NRK: variants seen among roughly 807,000 people sequenced by gnomAD.
NRK encodes the protein nik-related protein kinase.
NRK carries 67 observed loss-of-function variants against 125.2 expected under a neutral mutation model. The observed-to-expected ratio is 0.54, with a 90% CI of 0.44 to 0.66. The LOEUF (loss-of-function observed/expected upper bound fraction) is 0.66. NRK is among the 30% of genes least tolerant of loss of function. NRK has a pLI of 0.00. For synonymous variants in NRK, 458 were observed against 429.0 expected (o/e 1.07, Z -0.84); for missense variants, 1,224 against 1,192.9 (o/e 1.03, Z -0.38).
chrX:105,866,559 A>G (rs7062420), intron 2 of NRK, among the ~76,000 whole-genome samples: 5,807 of 111,819 alleles, frequency 0.052, 389 homozygotes, highest in African/African-American at 0.18. Flanking sequence ...TTCTCTGACC[A>G]AAATTCAATA....
In NRK at chrX:105,867,904, C is replaced by T. The variant is rs551998357; in HGVS notation, c.124-12295C>T. 6.3e-5 allele frequency among the ~76,000 whole-genome samples: 7 copies of T among 111,512 alleles called. No homozygotes were observed. In the South Asian group the frequency reaches 2.2e-3, roughly 35 times the overall value. On this transcript the variant is annotated intron_variant, in intron 2 of 28. Coordinates refer to ENST00000243300, the MANE Select transcript of NRK (RefSeq NM_198465.4). ...AGACTGCTGACCTGGATTTGTGAAA[C>T]ATTTTCAATAGGAAAATCTTAAATA...
intron 6 of NRK, among the ~76,000 whole-genome samples, chrX:105,894,152 C>T (rs1403988068): frequency 8.9e-6 from 1 of 112,086 alleles, no homozygotes; most frequent in Non-Finnish European, 1.9e-5. Flanking sequence ...CCTTTGAAAT[C>T]ATGGCCTTTA....
At chrX:105,875,585 A>C (rs1025264554) in intron 2 of NRK, among the ~76,000 whole-genome samples, 2 of 111,079 alleles carry the variant, frequency 1.8e-5, no homozygotes, top group African/African-American at 6.5e-5. Context: ...TAGGTTGTGG[A>C]GTACCCGGAA....
chrX:105,858,318 C>T (rs2039557948), intron 2 of NRK, among the ~76,000 whole-genome samples: 1 of 107,684 alleles, frequency 9.3e-6, no homozygotes, highest in Non-Finnish European at 1.9e-5. Flanking sequence ...CTAAAATGGG[C>T]AAATTTTACT....
intron 22 of NRK, 69 bp downstream of exon 22, chrX:105,937,651 C>A: frequency 2.5e-6 from 2 of 797,031 alleles, no homozygotes; most frequent in Non-Finnish European, 3.6e-6. Context: ...GGGTTAAAGA[C>A]TTTCTCAGGT....
rs1443238920 is a variant in NRK at position 105,830,972 on chromosome X, G to C, written c.58-82G>C. On this transcript the variant is annotated intron_variant, in intron 1 of 28. Coordinates refer to ENST00000243300, the MANE Select transcript of NRK (RefSeq NM_198465.4). ...GTGCACATGTACCCTAGAACTTAAAGTATATATATTAAAAAAAAGATAGTT... is the reference window on the plus strand; with the variant it reads ...GTGCACATGTACCCTAGAACTTAAACTATATATATTAAAAAAAAGATAGTT... 1.0e-5 allele frequency: 6 copies of C among 580,268 alleles called. No individual in the cohort carries two copies. The Admixed American group carries it at 1.7e-4, about 16-fold the overall frequency. The allele number at this position is 580,268 out of a possible 1,213,427, so 47.8% of individuals were successfully genotyped here. A position where few individuals can be genotyped will look rare whatever the true frequency, so the allele number is the denominator to read the frequency against.
In NRK at chrX:105,909,657, T is replaced by C. The variant is rs375081890; in HGVS notation, c.2016T>C (p.Asn672=). The C allele has an allele frequency of 8.4e-7, 1 of 1,196,775 alleles. No homozygotes were observed. The highest frequency in any genetic ancestry group is 3.0e-5 in the East Asian group (1 of 33,180). Residue 672 remains asparagine, a synonymous_variant, in exon 13 of 29, where the codon AAT becomes AAC. Transcript: ENST00000243300. ...CCCTGATGGAAAATCTGTCATCAAA[T>C]AGGTTTTACTCACAACCAGAACAGG... ...LQTLMENLSS[N]RFYSQPEQAR...
chrX:105,824,853 A>C (rs1434477646), intron 1 of NRK, among the ~76,000 whole-genome samples: 1 of 111,674 alleles, frequency 9.0e-6, no homozygotes, highest in Non-Finnish European at 1.9e-5. Flanking sequence ...AAACTTCAGG[A>C]CATTGATGCT....
Position 105,933,344 on chromosome X carries a change from AAAAGGACG to A in NRK, c.3313-913_3313-906del, listed in dbSNP as rs1325581583. On this transcript the variant is annotated intron_variant, in intron 19 of 28. Transcript: ENST00000243300. ...TGGATCTTCCTTTCATTTTAATTTA[AAAAGGACG>A]TGATGTCATACCATGTTTTTGTGGT... Among the ~76,000 whole-genome samples, 220 of 112,086 alleles carry A rather than the reference AAAAGGACG, an allele frequency of 2.0e-3. 3 individuals are homozygous for A. The highest frequency in any genetic ancestry group is 6.9e-3 in the African/African-American group (214 of 30,834).
chrX:105,872,611 T>G (rs1019400148), intron 2 of NRK, among the ~76,000 whole-genome samples: 3 of 111,264 alleles, frequency 2.7e-5, no homozygotes, highest in Non-Finnish European at 5.7e-5. Context: ...CTCCAAACCC[T>G]GAATGTTCTG....
intron 23 of NRK, among the ~76,000 whole-genome samples, chrX:105,940,439 G>A (rs375075987): frequency 7.3e-5 from 8 of 109,926 alleles, no homozygotes; most frequent in African/African-American, 2.6e-4. Flanking sequence ...ACAAACTTGG[G>A]GAGATGCATA....
At position 105,908,741 on chromosome X, in the gene NRK, CT is replaced by C; in HGVS notation, c.1101del (p.His368ThrfsTer4). On this transcript the variant is annotated frameshift_variant, in exon 13 of 29. Coordinates refer to ENST00000243300, the MANE Select transcript of NRK (RefSeq NM_198465.4). LOFTEE classifies it high-confidence loss of function. The part of the protein sequence containing the change: ...TVRRFRGPSC[T>X]HELLRLPTSS... ...GTTTATTTTAGAGGACCCTCTTGCA[CT>C]CACGAGCTTCTGAGATTGCCAACCA... 8.3e-7 allele frequency: 1 copy of C among 1,197,782 alleles called. No individual in the cohort carries two copies. Among genetic ancestry groups the C allele is most frequent in the Non-Finnish European group, 1.1e-6 (1 of 886,857 alleles).
chrX:105,933,848 C>T (rs1315473054), intron 19 of NRK, among the ~76,000 whole-genome samples: 2 of 111,802 alleles, frequency 1.8e-5, no homozygotes, highest in Admixed American at 1.9e-4. Flanking sequence ...CTTACTAGTA[C>T]TATGACTGAA....
intron 14 of NRK, among the ~76,000 whole-genome samples, chrX:105,915,441 G>C (rs1040238092): frequency 1.8e-5 from 2 of 110,902 alleles, no homozygotes; most frequent in African/African-American, 6.5e-5. Flanking sequence ...TCTTAGAAAA[G>C]TCATTTTCCC....
At chrX:105,910,277 AAGTT>A (rs2040281919) in intron 13 of NRK, among the ~76,000 whole-genome samples, 1 of 112,168 alleles carries the variant, frequency 8.9e-6, no homozygotes, top group Non-Finnish European at 1.9e-5. Flanking sequence ...TCTAACCTTT[AAGTT>A]AGTTTATTCT....
At chrX:105,860,087 A>T (rs1405452533) in intron 2 of NRK, among the ~76,000 whole-genome samples, 1 of 110,929 alleles carries the variant, frequency 9.0e-6, no homozygotes, top group East Asian at 2.9e-4. Flanking sequence ...CTTGTAGGTT[A>T]TCTGTTCTAA....
chrX:105,883,410 G>A (rs981216443), intron 4 of NRK, among the ~76,000 whole-genome samples: 6 of 112,072 alleles, frequency 5.4e-5, no homozygotes, highest in African/African-American at 1.6e-4. Context: ...AGGATAAAAA[G>A]TATGTGACTT....
intron 27 of NRK, among the ~76,000 whole-genome samples, chrX:105,950,992 A>G (rs1336139382): frequency 1.8e-5 from 2 of 108,611 alleles, no homozygotes; most frequent in East Asian, 5.7e-4. Context: ...TTTGCATTGC[A>G]TCTGCAGAAT....
rs145367166 is a variant in NRK at position 105,894,314 on chromosome X, G to A, written c.489+372G>A. On this transcript the variant is annotated intron_variant, in intron 6 of 28. Coordinates refer to ENST00000243300, the MANE Select transcript of NRK (RefSeq NM_198465.4). ...GATGAAGATGAGTCAGAAGAAGTCA[G>A]TATTTTATGGAATGGCCTCAAACCA... Among the ~76,000 whole-genome samples the A allele has an allele frequency of 2.7e-4, 30 of 112,229 alleles. No homozygotes were observed. The East Asian group carries it at 7.8e-3, about 29-fold the overall frequency.
Sources: allele counts gnomAD v4.1 joint callset (sites outside exome capture counted in the v4.1 genomes callset), GRCh38; gene constraint gnomAD v4.1.1; transcripts MANE v1.5; gene names NCBI Gene and HGNC (gene_info 2026-07-23, HGNC 2026-07-21).